Variants in VPS53 observed in about 807,000 individuals in gnomAD.
VPS53 encodes vacuolar protein sorting-associated protein 53 homolog.
A neutral mutation model predicts 107.0 loss-of-function variants in VPS53; 70 were observed. The observed-to-expected ratio is 0.65, with a 90% confidence interval of 0.54 to 0.80. The LOEUF (loss-of-function observed/expected upper bound fraction) is 0.80, where lower values mean the gene tolerates loss of function less well. Among genes scored for constraint, VPS53 ranks in the 30% least tolerant of loss-of-function variants. The probability of loss-of-function intolerance (pLI) is 0.00; values close to 1 mark genes in which losing one functional copy is unlikely to be tolerated. For missense variants in VPS53, 917 were observed against 1,049.4 expected (o/e 0.87, Z 1.74); for synonymous variants, 409 against 393.3 (o/e 1.04, Z -0.47).
chr17:656,659 G>A, intron 5 of VPS53: 1 of 551,678 alleles, frequency 1.8e-6, no homozygotes, highest in Non-Finnish European at 3.2e-6. Context: ...ACACCCAGGT[G>A]AAATCATCCA....
intron 12 of VPS53, among the ~76,000 whole-genome samples, chr17:596,072 A>C (rs1967958753): frequency 6.6e-6 from 1 of 152,254 alleles, no homozygotes; most frequent in African/African-American, 2.4e-5. Flanking sequence ...GGAGATCAGT[A>C]CACTGTACCT....
chr17:558,263 T>C (rs7214796), intron 15 of VPS53, among the ~76,000 whole-genome samples: 127,844 of 152,166 alleles, frequency 0.84, 54,021 homozygotes, highest in African/African-American at 0.92. Flanking sequence ...GTCAGGAGAT[T>C]GAGACCATCC....
At chr17:653,456 C>T (rs759831710) in intron 6 of VPS53, 46 bp from the exon 7 acceptor site, 38 of 1,612,646 alleles carry the variant, frequency 2.4e-5, no homozygotes, top group South Asian at 1.2e-4. Flanking sequence ...ACACTAAAGA[C>T]GCAAGATACA....
rs556278448 is a variant in VPS53 at position 520,126 on chromosome 17, G to A, written c.2224-196C>T. On this transcript the variant is annotated intron_variant, in intron 20 of 21. Coordinates refer to ENST00000437048, the MANE Select transcript of VPS53 (RefSeq NM_001128159.3). This position sits in a 1 kb window ranked among gnomAD's most constrained non-coding sequence, Gnocchi z 4.4. ...GGTTTCCTTAAGCAGCAGCAACCCA[G>A]ACTAGAAACGCCCCAGTGGCCCATC... 9.2e-5 allele frequency among the ~76,000 whole-genome samples: 14 copies of A among 152,288 alleles called. No homozygotes were observed. The highest frequency in any genetic ancestry group is 3.1e-4 in the African/African-American group (13 of 41,546).
chr17:638,495 A>G (rs1417549087), intron 7 of VPS53, among the ~76,000 whole-genome samples: 1 of 152,192 alleles, frequency 6.6e-6, no homozygotes, highest in African/African-American at 2.4e-5. Flanking sequence ...TAATTGATGC[A>G]GTTTCTTCCT....
At chr17:610,003 G>C (rs1435064197) in intron 11 of VPS53, among the ~76,000 whole-genome samples, 1 of 151,938 alleles carries the variant, frequency 6.6e-6, no homozygotes, top group African/African-American at 2.4e-5. Flanking sequence ...GTGGTGGCGG[G>C]CGCCTGTAGT....
At chr17:684,844 C>T (rs561932177) in intron 4 of VPS53, among the ~76,000 whole-genome samples, 1 of 152,098 alleles carries the variant, frequency 6.6e-6, no homozygotes, top group Non-Finnish European at 1.5e-5. Flanking sequence ...AAAAATTAGC[C>T]AGGCATGGTG....
At chr17:565,403 C>CAAAAAAAAAAAAAAAAAAAAA (rs535932031) in intron 13 of VPS53, among the ~76,000 whole-genome samples, 1 of 82,532 alleles carries the variant, frequency 1.2e-5, no homozygotes, top group Non-Finnish European at 2.3e-5. Flanking sequence ...AACCCCATCT[C>CAAAAAAAAAAAAAAAAAAAAA]AAAAAAAAAA....
At chr17:714,559 C>G (rs997395903) in intron 1 of VPS53, 64 bp downstream of exon 1, 5 of 1,489,856 alleles carry the variant, frequency 3.4e-6, no homozygotes. Context: ...GCCTCCCCAG[C>G]GCCCGGAGCT....
At chr17:677,393 C>T (rs992353306) in intron 4 of VPS53, among the ~76,000 whole-genome samples, 8 of 152,042 alleles carry the variant, frequency 5.3e-5, no homozygotes, top group Non-Finnish European at 1.2e-4. Context: ...TATAAAGTTC[C>T]CAGAATAGGC....
chr17:595,515 G>C (rs796468629), intron 12 of VPS53, among the ~76,000 whole-genome samples: 10 of 30,284 alleles, frequency 3.3e-4, no homozygotes, highest in Admixed American at 2.1e-3. Flanking sequence ...TCAATTTCCT[G>C]ATTTGATGAT....
intron 18 of VPS53, chr17:533,126 C>A: frequency 1.5e-6 from 1 of 677,524 alleles, no homozygotes; most frequent in Non-Finnish European, 2.4e-6. Flanking sequence ...AAACCGGATC[C>A]CATCCTAGAC....
intron 15 of VPS53, among the ~76,000 whole-genome samples, chr17:558,996 AAAAT>A (rs912420806): frequency 1.3e-5 from 2 of 152,062 alleles, no homozygotes; most frequent in East Asian, 1.9e-4. Context: ...ACTCTGTCTC[AAAAT>A]AAATAAATAA....
chr17:645,742 C>T (rs375379972), intron 7 of VPS53, among the ~76,000 whole-genome samples: 1 of 152,256 alleles, frequency 6.6e-6, no homozygotes, highest in Non-Finnish European at 1.5e-5. Context: ...TGCACAACCC[C>T]TTCCTTTATA....
At chr17:656,945 C>A in intron 5 of VPS53, 1 of 1,131,302 alleles carries the variant, frequency 8.8e-7, no homozygotes, top group Non-Finnish European at 1.3e-6. Context: ...GCTGTTGCCA[C>A]TGGTGTCTTT....
intron 5 of VPS53, among the ~76,000 whole-genome samples, chr17:658,948 A>G (rs1971330748): frequency 6.6e-6 from 1 of 152,096 alleles, no homozygotes; most frequent in African/African-American, 2.4e-5. Context: ...CCTTACCTGG[A>G]TCTTAGCTAT....
chr17:672,557 G>A (rs1206310074), intron 4 of VPS53, among the ~76,000 whole-genome samples: 1 of 152,178 alleles, frequency 6.6e-6, no homozygotes, highest in Non-Finnish European at 1.5e-5. Flanking sequence ...AGATGGCTAA[G>A]TTCAGTATCT....
At position 653,307 on chromosome 17, in the gene VPS53, G is replaced by T; in HGVS notation, c.592C>A (p.Arg198=). ...ACAGTTTACCTTTCGGAAAGCTGCC[G>T]GATCTGCGGAATCCCCATATACTTG... The part of the protein sequence containing the change: ...FHKYMGIPQI[R]QLSERVKAAQ... The change falls in exon 7 of 22, where the codon CGG becomes AGG. Residue 198 remains arginine, a synonymous_variant. Coordinates refer to ENST00000437048, the MANE Select transcript of VPS53 (RefSeq NM_001128159.3). The T allele has an allele frequency of 6.2e-7, 1 of 1,614,150 alleles. No homozygotes were observed. Among genetic ancestry groups the T allele is most frequent in the Non-Finnish European group, 8.5e-7 (1 of 1,180,004 alleles).
At chr17:657,516 C>CG in intron 5 of VPS53, 1 of 1,486,864 alleles carries the variant, frequency 6.7e-7, no homozygotes, top group Non-Finnish European at 9.4e-7. Context: ...AGCTGCTACC[C>CG]GCTTCAGATG....
Sources: gnomAD v4.1 joint callset for allele counts (sites outside exome capture counted in the v4.1 genomes callset) on GRCh38, gnomAD v4.1.1 for gene constraint, Gnocchi (gnomAD v3.1) non-coding constraint, MANE v1.5 for transcripts, NCBI Gene and HGNC (gene_info 2026-07-23, HGNC 2026-07-21) for gene names.